Variants in ARL13B observed in about 807,000 individuals in gnomAD.
ARL13B encodes the protein ADP-ribosylation factor-like protein 13B.
ARL13B carries 36 observed loss-of-function variants against 56.1 expected under a neutral mutation model. That is an observed-to-expected ratio of 0.64 (90% CI 0.49 to 0.85). The LOEUF is 0.85. Ranked by LOEUF, ARL13B falls within the 40% of genes least tolerant of loss-of-function variation. The pLI is 0.00. For synonymous variants in ARL13B, 178 were observed against 171.1 expected (o/e 1.04, Z -0.32); for missense variants, 519 against 507.1 (o/e 1.02, Z -0.23).
Position 94,053,265 on chromosome 3 carries a change from C to CA in ARL13B, c.*4dup, listed in dbSNP as rs1560019768. 6.2e-7 allele frequency: 1 copy of CA among 1,612,868 alleles called. No individual in the cohort carries two copies. The highest frequency in any genetic ancestry group is 1.1e-5 in the South Asian group (1 of 91,066). On this transcript the variant is annotated 3_prime_UTR_variant, in exon 10 of 10. Transcript: ENST00000394222. ...GATGCTCATGATGTGATCTCATAAACAAGACGTATGGAGGAGTTCTCTTAA... is the reference window on the plus strand; with the variant it reads ...GATGCTCATGATGTGATCTCATAAACAAAGACGTATGGAGGAGTTCTCTTAA...
intron 1 of ARL13B, among the ~76,000 whole-genome samples, chr3:93,988,086 T>C (rs1710555583): frequency 6.6e-6 from 1 of 152,186 alleles, no homozygotes; most frequent in Admixed American, 6.5e-5. Flanking sequence ...TAATAGCATG[T>C]ACACTATATA....
intron 1 of ARL13B, among the ~76,000 whole-genome samples, chr3:93,984,307 G>T (rs550467514): frequency 5.9e-5 from 9 of 151,710 alleles, no homozygotes; most frequent in African/African-American, 2.2e-4. Flanking sequence ...AGTGAGCTGA[G>T]ATCATGCCAC....
intron 3 of ARL13B, among the ~76,000 whole-genome samples, chr3:94,026,090 G>A (rs539823758): frequency 2.0e-5 from 3 of 151,250 alleles, no homozygotes; most frequent in East Asian, 3.9e-4. Context: ...CACCATCTCG[G>A]CTCACTGCAA....
Position 94,049,538 on chromosome 3 carries a change from C to G in ARL13B, c.1141+16C>G, listed in dbSNP as rs774716968. On this transcript the variant is annotated intron_variant, in intron 8 of 9. Coordinates refer to ENST00000394222, the MANE Select transcript of ARL13B (RefSeq NM_001174150.2). ...CCTCCTCCTGGTGAGTAAATTGATA[C>G]TGATACTGAATTTAGAAATATTGCT... 8.0e-7 allele frequency: 1 copy of G among 1,242,596 alleles called. No individual in the cohort carries two copies. Among genetic ancestry groups the G allele is most frequent in the Non-Finnish European group, 1.1e-6 (1 of 900,154 alleles). The allele number at this position is 1,242,596 out of a possible 1,614,324, so 77.0% of individuals were successfully genotyped here.
rs2077104686 is a variant in ARL13B, at chr3:94,053,927, A to G, written c.*664A>G. The G allele has an allele frequency of 9.3e-6, 3 of 321,022 alleles. No individual in the cohort carries two copies. The highest frequency in any genetic ancestry group is 2.7e-5 in the South Asian group (1 of 37,114). 19.9% of individuals were successfully genotyped at this position (321,022 alleles called of 1,614,324 possible). On this transcript the variant is annotated 3_prime_UTR_variant, in exon 10 of 10. Coordinates refer to ENST00000394222, the MANE Select transcript of ARL13B (RefSeq NM_001174150.2). ...TAATTTGACCTAATTTAAAAATAAT[A>G]TATTTTCGAAGTAGTAGATTCTCAG... is the stretch of plus-strand genomic sequence containing the variant.
intron 3 of ARL13B, chr3:94,014,443 T>C: frequency 6.3e-7 from 1 of 1,595,526 alleles, no homozygotes; most frequent in Admixed American, 1.8e-5. Context: ...AGGATTTCTT[T>C]TTTTGTATTT....
At chr3:93,990,252 C>T (rs369375120) in intron 1 of ARL13B, among the ~76,000 whole-genome samples, 5 of 152,126 alleles carry the variant, frequency 3.3e-5, no homozygotes, top group African/African-American at 1.2e-4. Context: ...AAGTGATCCA[C>T]CTGCGTTGGC....
rs1376758399 is a variant in ARL13B at position 94,053,604 on chromosome 3, A to C, written c.*341A>C. ...CAATGGACTCAGCACTTTCTTTACTATTTGTTCAATAGCCTATATTTCTAG... is the reference window on the plus strand; with the variant it reads ...CAATGGACTCAGCACTTTCTTTACTCTTTGTTCAATAGCCTATATTTCTAG... On this transcript the variant is annotated 3_prime_UTR_variant, in exon 10 of 10. Coordinates refer to ENST00000394222, the MANE Select transcript of ARL13B (RefSeq NM_001174150.2). The C allele has an allele frequency of 2.1e-6, 1 of 483,746 alleles. No homozygotes were observed. The highest frequency in any genetic ancestry group is 1.6e-5 in the South Asian group (1 of 64,300). The allele number at this position is 483,746 out of a possible 1,614,324, so 30.0% of individuals were successfully genotyped here. A position where few individuals can be genotyped will look rare whatever the true frequency, so the allele number is the denominator to read the frequency against.
chr3:93,987,855 A>G (rs984439555), intron 1 of ARL13B, among the ~76,000 whole-genome samples: 5 of 151,962 alleles, frequency 3.3e-5, no homozygotes, highest in African/African-American at 1.2e-4. Context: ...CATGTTGACC[A>G]GGCATGTCTC....
At chr3:94,019,257 C>T (rs545600157) in intron 3 of ARL13B, among the ~76,000 whole-genome samples, 2 of 151,636 alleles carry the variant, frequency 1.3e-5, no homozygotes, top group South Asian at 4.2e-4. Context: ...AGTGCAGTGG[C>T]ACAATCTTGG....
intron 3 of ARL13B, among the ~76,000 whole-genome samples, chr3:94,025,425 C>A (rs998286925): frequency 6.6e-6 from 1 of 152,072 alleles, no homozygotes; most frequent in Non-Finnish European, 1.5e-5. Flanking sequence ...GTTTATGGAT[C>A]CTATGCCTGT....
chr3:93,980,615 G>C (rs1034231728), intron 1 of ARL13B, 133 bp downstream of exon 1: 114 of 1,096,460 alleles, frequency 1.0e-4, no homozygotes, highest in Non-Finnish European at 1.5e-4. Context: ...TTCCCAGGGT[G>C]TCCCGGGAGG....
At chr3:93,991,217 A>G (rs1291964097) in intron 1 of ARL13B, among the ~76,000 whole-genome samples, 4 of 152,160 alleles carry the variant, frequency 2.6e-5, no homozygotes, top group Non-Finnish European at 5.9e-5. Flanking sequence ...AGAGTACTGT[A>G]TATTATTTTT....
rs190105699 is a variant in ARL13B, at chr3:94,052,524, T to C, written c.1211-663T>C. 2.2e-3 allele frequency among the ~76,000 whole-genome samples: 336 copies of C among 152,186 alleles called. 2 individuals are homozygous for C. Among genetic ancestry groups the C allele is most frequent in the Non-Finnish European group, 3.9e-3 (268 of 67,974 alleles). On this transcript the variant is annotated intron_variant, in intron 9 of 9. Transcript: ENST00000394222. ...AAGATAGAGAGTTAGGAAAGAATAT[T>C]GTTTAGTTGGAGAATAACATGAAGT...
chr3:94,044,772 A>C (rs1383634626), intron 7 of ARL13B, among the ~76,000 whole-genome samples: 8 of 84,556 alleles, frequency 9.5e-5, no homozygotes, highest in South Asian at 9.5e-4. Flanking sequence ...GCCGCCCCGA[A>C]TGGGAAGTGA....
intron 6 of ARL13B, among the ~76,000 whole-genome samples, chr3:94,041,208 T>C (rs1443847311): frequency 2.6e-5 from 4 of 152,186 alleles, no homozygotes; most frequent in South Asian, 2.1e-4. Context: ...TGGTGAGATA[T>C]TGGAAGGTAT....
intron 3 of ARL13B, among the ~76,000 whole-genome samples, chr3:94,025,141 T>C (rs2076528719): frequency 6.6e-6 from 1 of 151,804 alleles, no homozygotes; most frequent in African/African-American, 2.4e-5. Context: ...CCATGTAATA[T>C]CATTCCCTGA....
chr3:94,027,242 A>G (rs1387117626), intron 3 of ARL13B, among the ~76,000 whole-genome samples: 1 of 152,070 alleles, frequency 6.6e-6, no homozygotes, highest in South Asian at 2.1e-4. Context: ...TCTTATTGTA[A>G]TATATTAACC....
intron 3 of ARL13B, chr3:94,015,310 C>A: frequency 6.7e-7 from 1 of 1,487,442 alleles, no homozygotes; most frequent in Non-Finnish European, 8.9e-7. Flanking sequence ...TTGTGTTGAA[C>A]AAGTAGAAAT....
Sources: gnomAD v4.1 joint callset for allele counts (sites outside exome capture counted in the v4.1 genomes callset) on GRCh38, gnomAD v4.1.1 for gene constraint, MANE v1.5 for transcripts, NCBI Gene and HGNC (gene_info 2026-07-23, HGNC 2026-07-21) for gene names.